Variants in KSR2 observed in about 807,000 individuals in gnomAD.
KSR2 encodes the protein kinase suppressor of ras 2.
A neutral mutation model predicts 107.8 loss-of-function variants in KSR2; 25 were observed. That is an observed-to-expected ratio of 0.23 (90% CI 0.17 to 0.32). The LOEUF is 0.32. KSR2 is among the 10% of genes least tolerant of loss of function. KSR2 has a pLI of 1.00. For synonymous variants in KSR2, 480 were observed against 507.0 expected (o/e 0.95, Z 0.71); for missense variants, 887 against 1,268.9 (o/e 0.70, Z 4.57).
At chr12:117,793,357 CCT>C (rs1365630803) in intron 3 of KSR2, among the ~76,000 whole-genome samples, 3 of 131,050 alleles carry the variant, frequency 2.3e-5, no homozygotes, top group South Asian at 2.7e-4. Context: ...ATGCACACAC[CCT>C]CACACCAACA....
At chr12:117,492,038 T>C (rs11068515) in intron 14 of KSR2, among the ~76,000 whole-genome samples, 11,671 of 152,248 alleles carry the variant, frequency 0.077, 642 homozygotes, top group African/African-American at 0.16. Flanking sequence ...CACATGCACC[T>C]CTCGGTATTT....
chr12:117,775,675 T>C (rs1222162115), intron 3 of KSR2, among the ~76,000 whole-genome samples: 3 of 152,154 alleles, frequency 2.0e-5, no homozygotes, highest in Non-Finnish European at 4.4e-5. Flanking sequence ...CAGCCCCATG[T>C]TTCCGATGGG....
chr12:117,855,571 G>T lies in KSR2; in HGVS notation c.329C>A (p.Ser110Tyr). The part of the protein sequence containing the change: ...DVRKEVLEEI[S>Y]PGQLSLEDLL... ...GTCCTCCAGGCTCAGCTGGCCGGGG[G>T]AGATTTCCTAGAGGAGGGGAGAAGG... The change falls in exon 3 of 20, where the codon TCC (serine) becomes TAC (tyrosine). Residue 110 changes from serine to tyrosine, a missense_variant. By Grantham distance (144) the Ser-to-Tyr change is moderately radical. Transcript: ENST00000339824. The T allele has an allele frequency of 1.2e-6, 2 of 1,614,002 alleles. No homozygotes were observed. The highest frequency in any genetic ancestry group is 2.2e-5 in the East Asian group (1 of 44,884).
intron 4 of KSR2, chr12:117,674,490 T>A (rs1447919725): frequency 2.2e-6 from 1 of 446,488 alleles, no homozygotes; most frequent in African/African-American, 2.0e-5. Context: ...GGAAATCCCT[T>A]ACGCATTAGT....
intron 14 of KSR2, among the ~76,000 whole-genome samples, chr12:117,515,752 C>A (rs1008300012): frequency 1.3e-5 from 2 of 152,076 alleles, no homozygotes; most frequent in African/African-American, 4.8e-5. Context: ...ATGGTGAAAC[C>A]CCGTCTCTAC....
At chr12:117,472,379 A>C (rs1871515079) in intron 17 of KSR2, among the ~76,000 whole-genome samples, 1 of 152,220 alleles carries the variant, frequency 6.6e-6, no homozygotes, top group Non-Finnish European at 1.5e-5. Context: ...TGTGAATAGC[A>C]GTGAGGACCA....
In KSR2 at chr12:117,466,854, C is replaced by A. The variant is rs758975143; in HGVS notation, c.*345G>T. The A allele has an allele frequency of 6.9e-6, 2 of 289,510 alleles. No individual in the cohort carries two copies. Among genetic ancestry groups the A allele is most frequent in the Non-Finnish European group, 1.3e-5 (2 of 156,182 alleles). 17.9% of individuals were successfully genotyped at this position (289,510 alleles called of 1,614,324 possible). On this transcript the variant is annotated 3_prime_UTR_variant, in exon 20 of 20. Transcript: ENST00000339824. ...ACACACACATAGCCCCGTCTGTGAG[C>A]CCCCCCACGTGGGGTCTCCTGTCCT... is the stretch of plus-strand genomic sequence containing the variant.
intron 4 of KSR2, among the ~76,000 whole-genome samples, chr12:117,711,002 T>C (rs1886750123): frequency 6.6e-6 from 1 of 152,198 alleles, no homozygotes; most frequent in Admixed American, 6.5e-5. Flanking sequence ...TGTCACCTAA[T>C]CAGAGACACC....
chr12:117,648,524 T>C (rs1325989744), intron 5 of KSR2, among the ~76,000 whole-genome samples: 3 of 152,230 alleles, frequency 2.0e-5, no homozygotes, highest in African/African-American at 7.2e-5. Flanking sequence ...TATGAGGATA[T>C]GGCAGTCAAC....
intron 5 of KSR2, among the ~76,000 whole-genome samples, chr12:117,651,830 C>A (rs1047867098): frequency 6.6e-6 from 1 of 152,184 alleles, no homozygotes; most frequent in Admixed American, 6.5e-5. Flanking sequence ...GCACCTACAT[C>A]TTTGAAGAGC....
intron 2 of KSR2, among the ~76,000 whole-genome samples, chr12:117,859,928 A>C (rs1370599798): frequency 1.3e-5 from 2 of 152,206 alleles, no homozygotes; most frequent in Non-Finnish European, 2.9e-5. Context: ...TTAAAATCTC[A>C]ATCACATGTC....
chr12:117,685,330 C>T (rs1885526484), intron 4 of KSR2, among the ~76,000 whole-genome samples: 1 of 152,216 alleles, frequency 6.6e-6, no homozygotes, highest in Non-Finnish European at 1.5e-5. Flanking sequence ...CCGACTGAAC[C>T]AGAGCTCGTG....
chr12:117,902,308 A>T (rs1193546681), intron 1 of KSR2, among the ~76,000 whole-genome samples: 3 of 151,998 alleles, frequency 2.0e-5, no homozygotes, highest in Non-Finnish European at 2.9e-5. Context: ...ATTTGCAAAA[A>T]TTAGCTGGGC....
intron 3 of KSR2, among the ~76,000 whole-genome samples, chr12:117,771,430 A>G (rs1593220468): frequency 6.6e-6 from 1 of 152,122 alleles, no homozygotes; most frequent in Admixed American, 6.5e-5. Context: ...ATAAAAGCAG[A>G]CTGTGCTCTG....
chr12:117,862,861 C>T (rs1461133980), intron 1 of KSR2, among the ~76,000 whole-genome samples: 2 of 151,926 alleles, frequency 1.3e-5, no homozygotes, highest in African/African-American at 4.8e-5. Context: ...TCCCGAGTAG[C>T]TGGCACTACA....
intron 3 of KSR2, among the ~76,000 whole-genome samples, chr12:117,848,835 GT>G (rs1892808315): frequency 2.5e-5 from 1 of 40,134 alleles, no homozygotes; most frequent in African/African-American, 9.1e-5. Context: ...GATGGTGGTA[GT>G]GGTGGTGATG....
chr12:117,793,092 A>G (rs1448734449), intron 3 of KSR2, among the ~76,000 whole-genome samples: 6 of 145,642 alleles, frequency 4.1e-5, no homozygotes, highest in South Asian at 2.2e-4. Flanking sequence ...TCACACCAAC[A>G]TGCACACTCA....
intron 5 of KSR2, among the ~76,000 whole-genome samples, chr12:117,621,452 A>G (rs76850022): frequency 0.013 from 1,937 of 152,320 alleles, 48 homozygotes; most frequent in African/African-American, 0.045. Context: ...GCATTCACAT[A>G]GGCAGGTTAG....
chr12:117,525,302 A>C, intron 13 of KSR2, 83 bp from the exon 14 acceptor site: 1 of 1,439,124 alleles, frequency 6.9e-7, no homozygotes, highest in Non-Finnish European at 9.3e-7. Flanking sequence ...TCCCGTGCAC[A>C]TGCGTAGGTC....
Sources: gnomAD v4.1 joint callset for allele counts (sites outside exome capture counted in the v4.1 genomes callset) on GRCh38, gnomAD v4.1.1 for gene constraint, MANE v1.5 for transcripts, NCBI Gene and HGNC (gene_info 2026-07-23, HGNC 2026-07-21) for gene names.